Variants in CELF4 observed in about 807,000 individuals in gnomAD.
The protein encoded by CELF4 is CUG-BP- and ETR-3-like factor 4.
In CELF4, 18 loss-of-function variants were observed where a neutral mutation model predicts 59.9. The observed-to-expected ratio is 0.30, with a 90% CI of 0.21 to 0.45. The LOEUF (loss-of-function observed/expected upper bound fraction) is 0.45. Ranked by LOEUF, CELF4 falls within the 20% of genes least tolerant of loss-of-function variation. The pLI, the probability that CELF4 is intolerant of heterozygous loss-of-function variation, is 1.00. For missense variants in CELF4, 456 were observed against 689.0 expected, an observed-to-expected ratio of 0.66 and a Z score of 3.79; for synonymous variants, 261 against 267.1, an observed-to-expected ratio of 0.98 and a Z score of 0.22.
chr18:37,460,715 C>T (rs1446115551), intron 2 of CELF4, among the ~76,000 whole-genome samples: 1 of 152,202 alleles, frequency 6.6e-6, no homozygotes, highest in Non-Finnish European at 1.5e-5. Context: ...CTGCAATTAT[C>T]ACAGGAACTA....
intron 2 of CELF4, among the ~76,000 whole-genome samples, chr18:37,379,703 G>T (rs1603631759): frequency 2.0e-5 from 3 of 152,138 alleles, no homozygotes; most frequent in Admixed American, 2.0e-4. Context: ...TGCACCAAGA[G>T]GAATAAAGGT....
chr18:37,278,701 C>T (rs1233632866), intron 3 of CELF4, among the ~76,000 whole-genome samples: 5 of 152,168 alleles, frequency 3.3e-5, no homozygotes, highest in African/African-American at 1.2e-4. Context: ...ATTCGCCCTG[C>T]CTTGGTTTGG....
intron 1 of CELF4, among the ~76,000 whole-genome samples, chr18:37,549,203 C>T (rs1200762675): frequency 1.3e-5 from 2 of 152,174 alleles, no homozygotes; most frequent in African/African-American, 4.8e-5. Context: ...CTGTAAGTAG[C>T]ATTTGCTATT....
chr18:37,399,594 G>A (rs1486005167), intron 2 of CELF4, among the ~76,000 whole-genome samples: 1 of 152,186 alleles, frequency 6.6e-6, no homozygotes, highest in African/African-American at 2.4e-5. Flanking sequence ...AGTCGCTCTA[G>A]AAGGGTCCAA....
chr18:37,286,071 C>T (rs2154399831), intron 3 of CELF4, among the ~76,000 whole-genome samples: 1 of 152,060 alleles, frequency 6.6e-6, no homozygotes, highest in South Asian at 2.1e-4. Flanking sequence ...AGGAGACAGA[C>T]AAAGCAGGGC....
intron 2 of CELF4, among the ~76,000 whole-genome samples, chr18:37,469,402 C>G (rs2099816075): frequency 6.6e-6 from 1 of 152,120 alleles, no homozygotes; most frequent in African/African-American, 2.4e-5. Flanking sequence ...TAAATACATC[C>G]TCTATTTATC....
chr18:37,481,676 G>A (rs529230615), intron 2 of CELF4, among the ~76,000 whole-genome samples: 8 of 152,276 alleles, frequency 5.3e-5, no homozygotes, highest in South Asian at 2.1e-4. Flanking sequence ...CTCGACTCTG[G>A]GCCGTTTCTC....
At chr18:37,455,017 G>A (rs1256392865) in intron 2 of CELF4, among the ~76,000 whole-genome samples, 2 of 152,184 alleles carry the variant, frequency 1.3e-5, no homozygotes, top group African/African-American at 4.8e-5. Context: ...TTCTCCCTCA[G>A]GGATGCCCAG....
chr18:37,414,198 CT>C (rs1603637711), intron 2 of CELF4, among the ~76,000 whole-genome samples: 2 of 22,264 alleles, frequency 9.0e-5, no homozygotes, highest in African/African-American at 2.6e-4. Context: ...ATTCATCTAT[CT>C]ATCTATCTAT....
intron 2 of CELF4, among the ~76,000 whole-genome samples, chr18:37,453,788 G>A (rs1213714551): frequency 1.3e-5 from 2 of 152,176 alleles, no homozygotes; most frequent in African/African-American, 4.8e-5. Flanking sequence ...GGGAACAGGG[G>A]TAGTCTGAAG....
At chr18:37,392,119 A>G (rs1383512629) in intron 2 of CELF4, among the ~76,000 whole-genome samples, 1 of 152,168 alleles carries the variant, frequency 6.6e-6, no homozygotes, top group Non-Finnish European at 1.5e-5. Context: ...TCACACACCC[A>G]TATCTGCTCA....
chr18:37,508,622 G>T (rs1026490652), intron 1 of CELF4, among the ~76,000 whole-genome samples: 1 of 152,248 alleles, frequency 6.6e-6, no homozygotes, highest in Non-Finnish European at 1.5e-5. Context: ...AGGTGCAGCT[G>T]CAGGGGACAT....
rs549420786 is a variant in CELF4 at position 37,258,644 on chromosome 18, G to A, written c.1333+537C>T. Among the ~76,000 whole-genome samples the A allele has an allele frequency of 2.0e-5, 3 of 152,240 alleles. No homozygotes were observed. The South Asian group carries it at 6.2e-4, about 32-fold the overall frequency. ...GTAGACAGAGAAGGAGTTGGGGCAG[G>A]ACAGAGAGCTGGAGAGAGGAGGCGA... On this transcript the variant is annotated intron_variant, in intron 11 of 12. Transcript: ENST00000420428.
chr18:37,488,861 TGA>T (rs1475969248), intron 1 of CELF4, among the ~76,000 whole-genome samples: 1 of 152,168 alleles, frequency 6.6e-6, no homozygotes, highest in African/African-American at 2.4e-5. Context: ...AAGGAAGCAG[TGA>T]GAGAAGCCCA....
At chr18:37,538,872 G>A (rs562825198) in intron 1 of CELF4, among the ~76,000 whole-genome samples, 1 of 152,292 alleles carries the variant, frequency 6.6e-6, no homozygotes, top group East Asian at 1.9e-4. Flanking sequence ...CGGGACTCCT[G>A]CTCCGTTCCT....
At chr18:37,453,823 T>G (rs1367949936) in intron 2 of CELF4, among the ~76,000 whole-genome samples, 1 of 152,180 alleles carries the variant, frequency 6.6e-6, no homozygotes, top group African/African-American at 2.4e-5. Context: ...TGAGCCTCTG[T>G]ACCACCCTGG....
intron 2 of CELF4, 28 bp from the exon 3 acceptor site, chr18:37,321,909 T>G (rs2097136516): frequency 6.3e-7 from 1 of 1,593,812 alleles, no homozygotes; most frequent in Non-Finnish European, 8.6e-7. Flanking sequence ...GGGACAGCAT[T>G]ATAGCAGGCC....
At chr18:37,343,382 C>T (rs995463418) in intron 2 of CELF4, among the ~76,000 whole-genome samples, 1 of 130,160 alleles carries the variant, frequency 7.7e-6, no homozygotes, top group Non-Finnish European at 1.6e-5. Flanking sequence ...TGTGTAGACA[C>T]GGGGTGGGGA....
At chr18:37,250,531 C>T (rs745701936) in intron 12 of CELF4, among the ~76,000 whole-genome samples, 40 of 152,214 alleles carry the variant, frequency 2.6e-4, no homozygotes, top group Non-Finnish European at 4.9e-4. Context: ...ACTTTGCTCC[C>T]AGCTATGGCT....
Sources: gnomAD v4.1 joint callset for allele counts (sites outside exome capture counted in the v4.1 genomes callset) on GRCh38, gnomAD v4.1.1 for gene constraint, MANE v1.5 for transcripts, NCBI Gene and HGNC (gene_info 2026-07-23, HGNC 2026-07-21) for gene names.